Variants in LAMC3 observed in about 807,000 individuals in gnomAD.
The protein encoded by LAMC3 is laminin subunit gamma 3, also known as laminin subunit gamma-3.
In LAMC3, 128 loss-of-function variants were observed where a neutral mutation model predicts 173.8. That is an observed-to-expected ratio of 0.74 (90% CI 0.64 to 0.85). The LOEUF (loss-of-function observed/expected upper bound fraction) is 0.85, where lower values mean the gene tolerates loss of function less well. Among genes scored for constraint, LAMC3 ranks in the 40% least tolerant of loss-of-function variants. LAMC3 has a pLI of 0.00. For missense variants in LAMC3, 2,022 were observed against 2,156.0 expected (o/e 0.94, Z 1.23); for synonymous variants, 897 against 909.1 (o/e 0.99, Z 0.24).
chr9:131,057,277 A>G (rs1179358292), intron 12 of LAMC3, 130 bp downstream of exon 12: 1 of 778,776 alleles, frequency 1.3e-6, no homozygotes, highest in Non-Finnish European at 2.2e-6. Context: ...CAGTGCGGGC[A>G]CTGAGCTTTC....
chr9:131,056,614 G>A (rs1834410477), intron 11 of LAMC3, among the ~76,000 whole-genome samples: 1 of 152,078 alleles, frequency 6.6e-6, no homozygotes, highest in African/African-American at 2.4e-5. Flanking sequence ...GGGCAACATG[G>A]AGAAACCCCA....
intron 13 of LAMC3, among the ~76,000 whole-genome samples, chr9:131,062,189 G>A (rs1278063800): frequency 1.3e-5 from 2 of 151,878 alleles, no homozygotes; most frequent in Non-Finnish European, 2.9e-5. Flanking sequence ...GGTGAAACCC[G>A]TCTCTACTAA....
intron 25 of LAMC3, among the ~76,000 whole-genome samples, chr9:131,086,420 G>GT (rs1830333406): frequency 4.3e-5 from 6 of 140,600 alleles, no homozygotes; most frequent in African/African-American, 1.6e-4. Context: ...TTGTTTGTTT[G>GT]TTTTTTGTAG....
intron 8 of LAMC3, 105 bp downstream of exon 8, chr9:131,045,765 A>T: frequency 7.1e-7 from 1 of 1,399,484 alleles, no homozygotes. Context: ...CATTGTGGAG[A>T]GGAGCCACAG....
chr9:131,028,665 T>C (rs1833772621), intron 2 of LAMC3, among the ~76,000 whole-genome samples: 1 of 152,154 alleles, frequency 6.6e-6, no homozygotes, highest in South Asian at 2.1e-4. Flanking sequence ...CATCAGCCAG[T>C]GGAGAGGCGC....
chr9:131,045,234 A>AAAAAC lies in LAMC3; in HGVS notation c.1383-288_1383-287insAACAA, dbSNP rs568643150. 0.024 allele frequency among the ~76,000 whole-genome samples: 2,202 copies of AAAAAC among 90,310 alleles called. 20 individuals carry two copies. Among genetic ancestry groups the AAAAAC allele is most frequent in the Middle Eastern group, 0.039 (7 of 180 alleles). 59.2% of individuals were successfully genotyped at this position (90,310 alleles called of 152,430 possible). ...AAGACTCTGTCTCAAAAAAAAAAAA[A>AAAAAC]AACAACAACAACAAAAAAACAAAAC... On this transcript the variant is annotated intron_variant, in intron 7 of 27. Coordinates refer to ENST00000361069, the MANE Select transcript of LAMC3 (RefSeq NM_006059.4).
At chr9:131,035,110 C>T (rs1303810088) in intron 3 of LAMC3, among the ~76,000 whole-genome samples, 1 of 152,134 alleles carries the variant, frequency 6.6e-6, no homozygotes, top group East Asian at 1.9e-4. Flanking sequence ...GCTGCCACAC[C>T]TGGCTATTTT....
intron 27 of LAMC3, 136 bp downstream of exon 27, chr9:131,087,953 G>T: frequency 1.3e-6 from 1 of 767,070 alleles, no homozygotes; most frequent in Non-Finnish European, 2.3e-6. Flanking sequence ...CATCTTTGTG[G>T]TCAATCACAA....
chr9:131,060,665 A>G (rs1229904097), intron 12 of LAMC3, among the ~76,000 whole-genome samples: 1 of 151,844 alleles, frequency 6.6e-6, no homozygotes, highest in East Asian at 1.9e-4. Context: ...TAATAATAAT[A>G]ATAATAACAG....
At chr9:131,079,329 TG>T in intron 23 of LAMC3, 31 bp downstream of exon 23, 1 of 1,612,780 alleles carries the variant, frequency 6.2e-7, no homozygotes, top group Admixed American at 1.7e-5. Context: ...GCAGGGGACC[TG>T]GGAGAGGTTG....
chr9:131,085,488 C>A (rs775429317), intron 24 of LAMC3, 36 bp from the exon 25 acceptor site: 2 of 1,611,728 alleles, frequency 1.2e-6, no homozygotes, highest in Non-Finnish European at 1.7e-6. Flanking sequence ...AGGTGTGAGC[C>A]CAGTTCCCCT....
rs562798676 is a variant in LAMC3 at position 131,051,126 on chromosome 9, G to T, written c.1631-1365G>T. ...GGGAGCTGTCCACCAAAGCTGTGGC[G>T]GGGCGCGCTACAGAATTTGAGGGAT... On this transcript the variant is annotated intron_variant, in intron 9 of 27. Coordinates refer to ENST00000361069, the MANE Select transcript of LAMC3 (RefSeq NM_006059.4). 4.9e-4 allele frequency among the ~76,000 whole-genome samples: 74 copies of T among 152,276 alleles called. No individual in the cohort carries two copies. In the South Asian group the frequency reaches 6.6e-3, roughly 14 times the overall value.
In LAMC3 at chr9:131,039,256, C is replaced by T. The variant is rs759065047; in HGVS notation, c.1283+8C>T. On this transcript the variant is annotated splice_region_variant and intron_variant, in intron 6 of 27. Coordinates refer to ENST00000361069, the MANE Select transcript of LAMC3 (RefSeq NM_006059.4). Reference sequence around the variant, plus strand: ...CAGTGAGGGAGGCTGCAGGTGAGGGCGAGGGGCGGCCCAGTATGGACACAT... The same window carrying T: ...CAGTGAGGGAGGCTGCAGGTGAGGGTGAGGGGCGGCCCAGTATGGACACAT... The T allele has an allele frequency of 3.1e-5, 49 of 1,597,916 alleles. No individual in the cohort carries two copies. Among genetic ancestry groups the T allele is most frequent in the African/African-American group, 8.0e-5 (6 of 74,812 alleles).
At chr9:131,048,925 C>G (rs1588150866) in intron 8 of LAMC3, 95 bp from the exon 9 acceptor site, 4 of 690,136 alleles carry the variant, frequency 5.8e-6, no homozygotes, top group Non-Finnish European at 9.9e-6. Flanking sequence ...TCCTGGGGCT[C>G]CCTCCTACCC....
intron 8 of LAMC3, among the ~76,000 whole-genome samples, chr9:131,047,937 C>A (rs1308732089): frequency 2.0e-5 from 1 of 50,220 alleles, no homozygotes; most frequent in Admixed American, 1.4e-4. Flanking sequence ...TTAGCAGAGA[C>A]GGGGTTTGCC....
rs1219639490 is a variant in LAMC3, at chr9:131,075,866, C to CT, written c.3532dup (p.Trp1178LeufsTer54). ...ACCGCCACCAAGATCGCAGCCACTG[C>CT]TTGGAGGGCCCTGCTCGCCTCCAAC... On this transcript the variant is annotated frameshift_variant, in exon 21 of 28. Transcript: ENST00000361069. LOFTEE classifies it high-confidence loss of function. The CT allele has an allele frequency of 7.4e-6, 12 of 1,612,432 alleles. No homozygotes were observed. The highest frequency in any genetic ancestry group is 9.3e-6 in the Non-Finnish European group (11 of 1,179,364).
At chr9:131,091,489 C>T (rs770247016) in intron 27 of LAMC3, 48 bp from the exon 28 acceptor site, 4 of 1,554,002 alleles carry the variant, frequency 2.6e-6, no homozygotes, top group Non-Finnish European at 3.5e-6. Context: ...TGCCCTGGGG[C>T]CTGCAGGGCT....
At chr9:131,032,255 G>A (rs564064412) in intron 3 of LAMC3, 80 bp downstream of exon 3, 32 of 479,014 alleles carry the variant, frequency 6.7e-5, no homozygotes, top group African/African-American at 6.5e-4. Flanking sequence ...GTGGGGTGGG[G>A]GGTGGGGGGG....
At chr9:131,085,260 A>G (rs1830309381) in intron 24 of LAMC3, among the ~76,000 whole-genome samples, 1 of 152,198 alleles carries the variant, frequency 6.6e-6, no homozygotes, top group Non-Finnish European at 1.5e-5. Context: ...AGCATTGACC[A>G]CCATGTAATT....
Sources: allele counts gnomAD v4.1 joint callset (sites outside exome capture counted in the v4.1 genomes callset), GRCh38; gene constraint gnomAD v4.1.1; transcripts MANE v1.5; gene names NCBI Gene and HGNC (gene_info 2026-07-23, HGNC 2026-07-21).